The following HIVEP3 variants were observed in gnomAD, a reference collection of about 807,000 sequenced individuals.
HIVEP3 encodes the protein HIVEP zinc finger 3, also known as transcription factor HIVEP3.
In HIVEP3, 49 loss-of-function variants were observed where a neutral mutation model predicts 152.8. The ratio of observed to expected loss-of-function variants is 0.32; its 90% confidence interval spans 0.26 to 0.41. The LOEUF is 0.41. Among genes scored for constraint, HIVEP3 ranks in the 10% least tolerant of loss-of-function variants. The pLI is 1.00. For synonymous variants in HIVEP3, 1,269 were observed against 1,289.0 expected (o/e 0.98, Z 0.33); for missense variants, 2,790 against 3,103.3 (o/e 0.90, Z 2.40).
chr1:41,554,016 G>C lies in HIVEP3; in HGVS notation c.5207+21528C>G, dbSNP rs572874381. Among the ~76,000 whole-genome samples, 9 of 152,298 alleles carry C rather than the reference G, an allele frequency of 5.9e-5. No homozygotes were observed. The South Asian group carries it at 1.9e-3, about 32-fold the overall frequency. The stretch of plus-strand genomic sequence containing the variant: ...AAGGAGTATCTTTGTGGTGTTCTCT[G>C]TATTTCCTGAATTTGAATGTTGGCC... On this transcript the variant is annotated intron_variant, in intron 5 of 8. Transcript: ENST00000372583.
chr1:41,851,537 G>C (rs374123880), intron 1 of HIVEP3, among the ~76,000 whole-genome samples: 1 of 151,998 alleles, frequency 6.6e-6, no homozygotes, highest in Non-Finnish European at 1.5e-5. Context: ...TCTTGACCTC[G>C]TGATCTGCCA....
intron 3 of HIVEP3, among the ~76,000 whole-genome samples, chr1:41,609,751 G>A (rs1374502970): frequency 6.6e-6 from 1 of 152,204 alleles, no homozygotes; most frequent in African/African-American, 2.4e-5. Flanking sequence ...CGTTCCCAAT[G>A]GCTGAAATGC....
chr1:41,705,865 A>G (rs188533572), intron 1 of HIVEP3, among the ~76,000 whole-genome samples: 2 of 152,358 alleles, frequency 1.3e-5, no homozygotes, highest in Admixed American at 1.3e-4. Context: ...TACCGACAGC[A>G]AATCTAAGTG....
At chr1:41,615,379 C>T (rs748581789) in intron 3 of HIVEP3, among the ~76,000 whole-genome samples, 1 of 152,234 alleles carries the variant, frequency 6.6e-6, no homozygotes, top group Non-Finnish European at 1.5e-5. Context: ...CCATCTCCTC[C>T]ACCTGGAGAA....
intron 2 of HIVEP3, among the ~76,000 whole-genome samples, chr1:41,643,890 C>CTTTTTATT (rs1553242267): frequency 9.7e-5 from 7 of 71,980 alleles, no homozygotes; most frequent in Non-Finnish European, 1.5e-4. Flanking sequence ...TTCCCATCCT[C>CTTTTTATT]TTTTTTTTTT....
rs1483422321 is a variant in HIVEP3 at position 41,978,046 on chromosome 1, AC to A, written n.119+57760del. ...CCTCCTAGAAACTGTGTCTGCCAAT[AC>A]TTTTTATTCCTACTTTTTTTTCCCA... On this transcript the variant is annotated intron_variant and non_coding_transcript_variant, in intron 1 of 3. Transcript: ENST00000489103. Among the ~76,000 whole-genome samples the A allele has an allele frequency of 3.3e-5, 5 of 152,362 alleles. No individual in the cohort carries two copies. The East Asian group carries it at 9.6e-4, about 29-fold the overall frequency.
At chr1:41,661,589 G>A (rs996408627) in intron 2 of HIVEP3, among the ~76,000 whole-genome samples, 8 of 152,224 alleles carry the variant, frequency 5.3e-5, no homozygotes, top group Admixed American at 2.0e-4. Context: ...AGGATCCAGA[G>A]CAATGCTAGT....
intron 1 of HIVEP3, among the ~76,000 whole-genome samples, chr1:41,762,348 A>G (rs2165303): frequency 0.84 from 127,851 of 152,188 alleles, 56,341 homozygotes; most frequent in Non-Finnish European, 0.98. Context: ...CACTGAAGGT[A>G]AGTATGAAGA....
At chr1:41,656,517 T>G (rs1170867357) in intron 2 of HIVEP3, among the ~76,000 whole-genome samples, 1 of 152,186 alleles carries the variant, frequency 6.6e-6, no homozygotes, top group Non-Finnish European at 1.5e-5. Context: ...GCTTATTACC[T>G]GGAGCTCTAA....
intron 1 of HIVEP3, among the ~76,000 whole-genome samples, chr1:42,002,849 A>T (rs1321041047): frequency 6.8e-6 from 1 of 147,714 alleles, no homozygotes; most frequent in African/African-American, 2.5e-5. Context: ...TCCCCTTTCC[A>T]CTGGGGGAAA....
rs546720726 is a variant in HIVEP3 at position 41,668,497 on chromosome 1, T to C, written c.-721+32419A>G. 2.0e-5 allele frequency among the ~76,000 whole-genome samples: 3 copies of C among 152,210 alleles called. No individual in the cohort carries two copies. In the South Asian group the frequency reaches 6.2e-4, roughly 32 times the overall value. On this transcript the variant is annotated intron_variant, in intron 2 of 8. Transcript: ENST00000372583. ...GAACCCCAATCCTTCAGCCTTGCAA[T>C]CTTCCCACTTGCAGTCATGCCCAGG...
chr1:42,003,474 T>A (rs1645440184), intron 1 of HIVEP3, among the ~76,000 whole-genome samples: 1 of 152,212 alleles, frequency 6.6e-6, no homozygotes, highest in Non-Finnish European at 1.5e-5. Context: ...AAGCACCCTG[T>A]CCTTTACTCA....
At chr1:41,818,458 G>A (rs1380501824) in intron 1 of HIVEP3, among the ~76,000 whole-genome samples, 2 of 152,144 alleles carry the variant, frequency 1.3e-5, no homozygotes, top group South Asian at 2.1e-4. Flanking sequence ...ATCCCTGGGG[G>A]CGGGGGCATT....
At chr1:41,876,700 T>G (rs1644176016) in intron 1 of HIVEP3, among the ~76,000 whole-genome samples, 1 of 152,180 alleles carries the variant, frequency 6.6e-6, no homozygotes. Flanking sequence ...CACTCTTAAA[T>G]GTAAGACTGA....
rs140828447 is a variant in HIVEP3, at chr1:41,682,471, T to C, written c.-721+18445A>G. On this transcript the variant is annotated intron_variant, in intron 2 of 8. Coordinates refer to ENST00000372583, the MANE Select transcript of HIVEP3 (RefSeq NM_024503.5). ...TGGGAGGGTTGATGGAACGGGTCAGTGAAGCAGAGGGAGGACCCCGCCGAA... is the reference window on the plus strand; with the variant it reads ...TGGGAGGGTTGATGGAACGGGTCAGCGAAGCAGAGGGAGGACCCCGCCGAA... Among the ~76,000 whole-genome samples the C allele has an allele frequency of 1.2e-3, 188 of 152,256 alleles. 2 individuals are homozygous for C. The highest frequency in any genetic ancestry group is 1.7e-3 in the Non-Finnish European group (117 of 68,008).
At chr1:41,764,016 T>C (rs1415333231) in intron 1 of HIVEP3, among the ~76,000 whole-genome samples, 2 of 151,914 alleles carry the variant, frequency 1.3e-5, no homozygotes, top group East Asian at 3.9e-4. Flanking sequence ...AGCACAGGGC[T>C]GGAGAGCAGA....
chr1:41,560,705 G>A (rs986328306), intron 5 of HIVEP3, among the ~76,000 whole-genome samples: 3 of 152,170 alleles, frequency 2.0e-5, no homozygotes, highest in African/African-American at 4.8e-5. Flanking sequence ...ACACCACAGC[G>A]GAGGCCCCTC....
rs753899901 is a variant in HIVEP3 at position 41,604,343 on chromosome 1, T to C, written c.-521-19025A>G. On this transcript the variant is annotated intron_variant, in intron 3 of 8. Coordinates refer to ENST00000372583, the MANE Select transcript of HIVEP3 (RefSeq NM_024503.5). ...TTCATATAACAATTATACATAGTAA[T>C]AAAAAAGAACAAAGTACTGCTACAG... Among the ~76,000 whole-genome samples the C allele has an allele frequency of 3.6e-4, 54 of 152,076 alleles. 1 individual carries two copies. The highest frequency in any genetic ancestry group is 6.5e-4 in the Non-Finnish European group (44 of 68,028).
At chr1:41,763,719 G>T (rs1162932973) in intron 1 of HIVEP3, among the ~76,000 whole-genome samples, 1 of 152,232 alleles carries the variant, frequency 6.6e-6, no homozygotes, top group East Asian at 1.9e-4. Context: ...TTTACTGGAA[G>T]AGTATGCAAT....
Sources: allele counts gnomAD v4.1 joint callset (sites outside exome capture counted in the v4.1 genomes callset), GRCh38; gene constraint gnomAD v4.1.1; transcripts MANE v1.5; gene names NCBI Gene and HGNC (gene_info 2026-07-23, HGNC 2026-07-21).